The following CACNB4 variants were observed in gnomAD, a reference collection of about 807,000 sequenced individuals.
CACNB4 encodes the protein calcium voltage-gated channel auxiliary subunit beta 4.
Under a neutral mutation model 71.2 loss-of-function variants are expected in CACNB4, and 32 were observed. The ratio of observed to expected loss-of-function variants is 0.45; its 90% CI spans 0.34 to 0.60. The LOEUF (loss-of-function observed/expected upper bound fraction) is 0.60. CACNB4 is among the 20% of genes least tolerant of loss of function. The pLI is 0.01. For synonymous variants in CACNB4, 231 were observed against 236.9 expected (o/e 0.97, Z 0.23); for missense variants, 464 against 647.9 (o/e 0.72, Z 3.08).
chr2:151,955,218 T>G (rs1038891579), intron 2 of CACNB4, among the ~76,000 whole-genome samples: 28 of 152,166 alleles, frequency 1.8e-4, no homozygotes, highest in African/African-American at 6.5e-4. Flanking sequence ...TTTAATTAAT[T>G]ACACTCGTCA....
At chr2:151,973,656 T>C (rs778742167) in intron 2 of CACNB4, 2 of 1,612,324 alleles carry the variant, frequency 1.2e-6, no homozygotes, top group Admixed American at 3.3e-5. Context: ...TAGCTATCTA[T>C]GAAAATACTT....
chr2:152,072,319 C>G (rs1266757213), intron 2 of CACNB4, among the ~76,000 whole-genome samples: 1 of 152,226 alleles, frequency 6.6e-6, no homozygotes, highest in African/African-American at 2.4e-5. Flanking sequence ...GAATGTCCAT[C>G]ACGGAGCTGG....
chr2:151,923,001 C>A (rs2099859344), intron 2 of CACNB4, among the ~76,000 whole-genome samples: 1 of 152,212 alleles, frequency 6.6e-6, no homozygotes, highest in Non-Finnish European at 1.5e-5. Flanking sequence ...TCACTCCCTG[C>A]CCAGTTGTGC....
intron 2 of CACNB4, among the ~76,000 whole-genome samples, chr2:151,964,840 G>A (rs1445540500): frequency 1.3e-5 from 2 of 152,142 alleles, no homozygotes; most frequent in East Asian, 3.8e-4. Flanking sequence ...GAAATCTAAT[G>A]TCTACCCAGC....
At chr2:151,933,782 G>C (rs535422323) in intron 2 of CACNB4, among the ~76,000 whole-genome samples, 5 of 152,094 alleles carry the variant, frequency 3.3e-5, no homozygotes, top group Non-Finnish European at 5.9e-5. Context: ...AAAATTGTAG[G>C]GTCACATTAA....
At chr2:151,880,557 A>G in intron 4 of CACNB4, 1 of 502,944 alleles carries the variant, frequency 2.0e-6, no homozygotes, top group Non-Finnish European at 3.5e-6. Flanking sequence ...GAGGTCTGTC[A>G]GAAATCTATG....
intron 2 of CACNB4, among the ~76,000 whole-genome samples, chr2:152,019,358 T>C (rs1221823883): frequency 6.6e-6 from 1 of 152,222 alleles, no homozygotes; most frequent in Admixed American, 6.5e-5. Flanking sequence ...CAGTTAGCAC[T>C]AATTCAAAAA....
intron 2 of CACNB4, among the ~76,000 whole-genome samples, chr2:151,956,747 G>A (rs1450610063): frequency 1.3e-5 from 2 of 152,208 alleles, no homozygotes; most frequent in African/African-American, 4.8e-5. Flanking sequence ...AGGGAATAGG[G>A]TCTAGGATTG....
chr2:152,069,625 G>A (rs1686555696), intron 2 of CACNB4, among the ~76,000 whole-genome samples: 1 of 150,434 alleles, frequency 6.6e-6, no homozygotes, highest in Non-Finnish European at 1.5e-5. Flanking sequence ...AGACACAACA[G>A]TGGAAAAATG....
At chr2:151,893,766 GA>G (rs2099851347) in intron 2 of CACNB4, among the ~76,000 whole-genome samples, 1 of 151,724 alleles carries the variant, frequency 6.6e-6, no homozygotes. Flanking sequence ...ATTTGTCTGG[GA>G]AAAAAATACA....
chr2:151,842,390 G>A (rs2099836450), intron 12 of CACNB4, among the ~76,000 whole-genome samples: 1 of 140,452 alleles, frequency 7.1e-6, no homozygotes, highest in Non-Finnish European at 1.5e-5. Context: ...AAATGCAATG[G>A]CACGATCTCG....
At chr2:151,878,628 A>ATTAGCTAGTATAGTG (rs58966024) in intron 4 of CACNB4, among the ~76,000 whole-genome samples, 1 of 151,542 alleles carries the variant, frequency 6.6e-6, no homozygotes, top group Admixed American at 6.6e-5. Flanking sequence ...GTACTACACA[A>ATTAGCTAGTATAGTG]TACTACACCA....
chr2:151,957,819 T>C (rs1463585867), intron 2 of CACNB4, among the ~76,000 whole-genome samples: 1 of 152,144 alleles, frequency 6.6e-6, no homozygotes, highest in African/African-American at 2.4e-5. Context: ...ACTGAGATGG[T>C]TTGCAGTGAT....
intron 2 of CACNB4, among the ~76,000 whole-genome samples, chr2:152,086,344 A>G (rs1687661113): frequency 6.6e-6 from 1 of 152,204 alleles, no homozygotes; most frequent in Non-Finnish European, 1.5e-5. Flanking sequence ...CTCAAACTAA[A>G]TCACCCCTCA....
intron 6 of CACNB4, chr2:151,871,079 C>G: frequency 1.8e-6 from 1 of 570,146 alleles, no homozygotes. Context: ...GTACAAATGA[C>G]CTTATATCCT....
chr2:151,881,358 A>T (rs1250569802), intron 3 of CACNB4, among the ~76,000 whole-genome samples: 2 of 152,166 alleles, frequency 1.3e-5, no homozygotes, highest in Non-Finnish European at 2.9e-5. Flanking sequence ...AATAGTCCAG[A>T]TCTGAAAACG....
chr2:151,888,031 T>C (rs1372406765), intron 2 of CACNB4, among the ~76,000 whole-genome samples: 1 of 152,240 alleles, frequency 6.6e-6, no homozygotes. Flanking sequence ...TGATTTTTAA[T>C]AAATTTACAG....
chr2:152,097,987 G>A (rs1044139013), intron 2 of CACNB4, among the ~76,000 whole-genome samples: 1 of 152,222 alleles, frequency 6.6e-6, no homozygotes, highest in African/African-American at 2.4e-5. Context: ...TCTAGGTCGA[G>A]TTATACGAAT....
Position 152,098,719 on chromosome 2 carries a change from C to G in CACNB4, c.63+230G>C, listed in dbSNP as rs545186606. ...CTGGGGGAGGCTGCGGGCTCCGGAG[C>G]GGGAGCGCAGAGACCCGAAGGAGGG... On this transcript the variant is annotated intron_variant, in intron 1 of 13. Transcript: ENST00000539935. This position sits in a 1 kb window ranked among gnomAD's most constrained non-coding sequence, Gnocchi z 5.3. 6.4e-7 allele frequency: 1 copy of G among 1,550,494 alleles called. No individual in the cohort carries two copies. Among genetic ancestry groups the G allele is most frequent in the South Asian group, 1.2e-5 (1 of 83,736 alleles).
Sources: allele counts gnomAD v4.1 joint callset (sites outside exome capture counted in the v4.1 genomes callset), GRCh38; gene constraint gnomAD v4.1.1; non-coding constraint Gnocchi (gnomAD v3.1); transcripts MANE v1.5; gene names NCBI Gene and HGNC (gene_info 2026-07-23, HGNC 2026-07-21).